GALNT10: variants seen among roughly 807,000 people sequenced by gnomAD.
The protein encoded by GALNT10 is GalNAc transferase 10.
Under a neutral mutation model 75.0 loss-of-function variants are expected in GALNT10, and 41 were observed. That is an observed-to-expected ratio of 0.55 (90% CI 0.43 to 0.71). The LOEUF is 0.71. Ranked by LOEUF, GALNT10 falls within the 30% of genes least tolerant of loss-of-function variation. The probability of loss-of-function intolerance (pLI) is 0.00; values close to 1 mark genes in which losing one functional copy is unlikely to be tolerated. For missense variants in GALNT10, 727 were observed against 818.5 expected (o/e 0.89, Z 1.36); for synonymous variants, 302 against 313.0 (o/e 0.96, Z 0.37).
intron 1 of GALNT10, among the ~76,000 whole-genome samples, chr5:154,205,747 C>T (rs541718494): frequency 2.6e-5 from 4 of 152,258 alleles, no homozygotes; most frequent in East Asian, 1.9e-4. Flanking sequence ...AGAGGGAAGA[C>T]GGCTGTGAAA....
intron 7 of GALNT10, among the ~76,000 whole-genome samples, chr5:154,396,804 A>G (rs369640333): frequency 4.6e-5 from 7 of 152,208 alleles, no homozygotes; most frequent in African/African-American, 1.4e-4. Context: ...TTATTAATTT[A>G]GATGCACATA....
rs1207108682 is a variant in GALNT10, at chr5:154,294,835, A to G, written c.179A>G (p.Lys60Arg). The change falls in exon 2 of 12, where the codon AAG (lysine) becomes AGG (arginine). Residue 60 changes from lysine (K) to arginine (R), a missense_variant. Physicochemically the swap from Lys to Arg is conservative, Grantham distance 26 (BLOSUM62 2). Coordinates refer to ENST00000297107, the MANE Select transcript of GALNT10 (RefSeq NM_198321.4). ...TTTAAGGGCTCACACAGTCGACAAA[A>G]GAAAACGTTTTTCTTGGGAGATGGG... ...AAGQGSHSRQKKTFFLGDGQK... is the reference protein window; with the variant it reads ...AAGQGSHSRQRKTFFLGDGQK... The G allele has an allele frequency of 1.9e-6, 3 of 1,598,780 alleles. No individual in the cohort carries two copies. Among genetic ancestry groups the G allele is most frequent in the Non-Finnish European group, 2.6e-6 (3 of 1,166,118 alleles).
chr5:154,302,773 A>C (rs1164297140), intron 3 of GALNT10, among the ~76,000 whole-genome samples: 1 of 152,204 alleles, frequency 6.6e-6, no homozygotes, highest in East Asian at 1.9e-4. Context: ...CTTTTTGTTA[A>C]ATTAACACAG....
chr5:154,361,905 A>G (rs1755394150), intron 4 of GALNT10, among the ~76,000 whole-genome samples: 1 of 152,100 alleles, frequency 6.6e-6, no homozygotes, highest in Non-Finnish European at 1.5e-5. Flanking sequence ...TGGAATAGGT[A>G]CTGAGGAGCC....
intron 1 of GALNT10, among the ~76,000 whole-genome samples, chr5:154,264,707 A>G (rs1753753132): frequency 6.6e-6 from 1 of 152,244 alleles, no homozygotes; most frequent in Non-Finnish European, 1.5e-5. Flanking sequence ...ACCAAGAGAC[A>G]GAGATAAGTC....
rs560985425 is a variant in GALNT10 at position 154,250,285 on chromosome 5, T to A, written c.160-44531T>A. 2.0e-5 allele frequency among the ~76,000 whole-genome samples: 3 copies of A among 152,312 alleles called. No homozygotes were observed. In the East Asian group the frequency reaches 5.8e-4, roughly 29 times the overall value. On this transcript the variant is annotated intron_variant, in intron 1 of 11. Transcript: ENST00000297107. ...ATTTTGGTCTTTCTTTCTTGGAGTC[T>A]TACTTCCAATTGTCTAGGTGGGCTT... is the stretch of plus-strand genomic sequence containing the variant.
intron 4 of GALNT10, among the ~76,000 whole-genome samples, chr5:154,335,520 C>G (rs1754931792): frequency 6.6e-6 from 1 of 152,150 alleles, no homozygotes; most frequent in African/African-American, 2.4e-5. Flanking sequence ...AAGAGCAGGA[C>G]AAGCACAGGC....
intron 1 of GALNT10, among the ~76,000 whole-genome samples, chr5:154,283,551 G>C (rs1259508457): frequency 1.3e-5 from 2 of 152,214 alleles, no homozygotes; most frequent in Non-Finnish European, 2.9e-5. Context: ...AGGAGATTCA[G>C]AGCCTTTTGT....
chr5:154,388,672 C>CCT (rs1365091580), intron 7 of GALNT10: 4 of 145,274 alleles, frequency 2.8e-5, no homozygotes, highest in Middle Eastern at 3.5e-3. Context: ...TGGACCTCTG[C>CCT]CTCACCCTTT....
chr5:154,300,153 A>T (rs1402314461), intron 3 of GALNT10, among the ~76,000 whole-genome samples: 2 of 152,056 alleles, frequency 1.3e-5, no homozygotes, highest in Non-Finnish European at 2.9e-5. Flanking sequence ...AGATTTTTTC[A>T]TGTAAGTCTA....
chr5:154,275,588 A>C (rs1482082618), intron 1 of GALNT10, among the ~76,000 whole-genome samples: 1 of 152,150 alleles, frequency 6.6e-6, no homozygotes, highest in South Asian at 2.1e-4. Flanking sequence ...TTTGCAGAAC[A>C]CTTTATCTCT....
rs150883533 is a variant in GALNT10 at position 154,302,281 on chromosome 5, C to T, written c.401+4202C>T. Among the ~76,000 whole-genome samples, 394 of 152,362 alleles carry T rather than the reference C, an allele frequency of 2.6e-3. 1 individual carries two copies. Among genetic ancestry groups the T allele is most frequent in the African/African-American group, 9.1e-3 (379 of 41,586 alleles). On this transcript the variant is annotated intron_variant, in intron 3 of 11. Coordinates refer to ENST00000297107, the MANE Select transcript of GALNT10 (RefSeq NM_198321.4). ...TTTGTGCCAGCTGCCTTTGCTTCCACCAGAAGCTGCACTGGGGACTGCGTA... is the reference window on the plus strand; with the variant it reads ...TTTGTGCCAGCTGCCTTTGCTTCCATCAGAAGCTGCACTGGGGACTGCGTA...
chr5:154,203,093 CTGTA>C (rs1167194662), intron 1 of GALNT10, among the ~76,000 whole-genome samples: 1 of 152,218 alleles, frequency 6.6e-6, no homozygotes, highest in East Asian at 1.9e-4. Context: ...CTTTTGTTCT[CTGTA>C]GCAGTTAAGG....
chr5:154,234,169 T>C (rs534051693), intron 1 of GALNT10, among the ~76,000 whole-genome samples: 1 of 152,344 alleles, frequency 6.6e-6, no homozygotes, highest in African/African-American at 2.4e-5. Flanking sequence ...GGGATACATC[T>C]AACGGCACTT....
intron 7 of GALNT10, among the ~76,000 whole-genome samples, chr5:154,397,776 C>T (rs760628759): frequency 1.3e-5 from 2 of 152,212 alleles, no homozygotes; most frequent in Non-Finnish European, 1.5e-5. Flanking sequence ...CTGGGCAGGT[C>T]GGGTGCCGTG....
intron 6 of GALNT10, among the ~76,000 whole-genome samples, chr5:154,380,908 T>A (rs1331722420): frequency 6.6e-6 from 1 of 152,068 alleles, no homozygotes. Context: ...TCTCTCATGC[T>A]CTCTTCCTCA....
intron 1 of GALNT10, among the ~76,000 whole-genome samples, chr5:154,290,114 C>T (rs573798899): frequency 3.6e-5 from 5 of 139,290 alleles, no homozygotes; most frequent in East Asian, 4.0e-4. Context: ...TTTTTTGAGA[C>T]GGAGTCTCAC....
chr5:154,218,167 T>G (rs1327479962), intron 1 of GALNT10: 1 of 983,580 alleles, frequency 1.0e-6, no homozygotes, highest in East Asian at 1.1e-4. Flanking sequence ...TGACATTTTC[T>G]AACAAGCCTG....
chr5:154,342,097 A>G (rs1448023751), intron 4 of GALNT10, among the ~76,000 whole-genome samples: 1 of 152,126 alleles, frequency 6.6e-6, no homozygotes, highest in African/African-American at 2.4e-5. Context: ...GGTTGTTGTT[A>G]ATGATGCTGT....
Sources: allele counts gnomAD v4.1 joint callset (sites outside exome capture counted in the v4.1 genomes callset), GRCh38; gene constraint gnomAD v4.1.1; transcripts MANE v1.5; gene names NCBI Gene and HGNC (gene_info 2026-07-23, HGNC 2026-07-21).